Variants in THNSL2 observed in about 807,000 individuals in gnomAD.
THNSL2 encodes the protein threonine synthase-like 2.
A neutral mutation model predicts 40.0 loss-of-function variants in THNSL2; 34 were observed. The ratio of observed to expected loss-of-function variants is 0.85; its 90% CI spans 0.65 to 1.13. The LOEUF (loss-of-function observed/expected upper bound fraction) is 1.13. THNSL2 is among the 50% of genes most tolerant of loss of function. The pLI, the probability that THNSL2 is intolerant of heterozygous loss-of-function variation, is 0.00. For synonymous variants in THNSL2, 241 were observed against 247.5 expected (o/e 0.97, Z 0.25); for missense variants, 537 against 608.8 (o/e 0.88, Z 1.24).
intron 5 of THNSL2, among the ~76,000 whole-genome samples, chr2:88,179,443 C>T (rs532520202): frequency 6.6e-6 from 1 of 152,322 alleles, no homozygotes; most frequent in African/African-American, 2.4e-5. Flanking sequence ...ACCCTGACCC[C>T]GTGTGAGGTG....
In THNSL2 at chr2:88,185,321, C is replaced by T; in HGVS notation, c.1078-7C>T. 1 of 1,611,542 alleles carries T rather than the reference C, an allele frequency of 6.2e-7. No homozygotes were observed. Among genetic ancestry groups the T allele is most frequent in the Non-Finnish European group, 8.5e-7 (1 of 1,178,818 alleles). On this transcript the variant is annotated splice_polypyrimidine_tract_variant and splice_region_variant and intron_variant, in intron 7 of 8. Transcript: ENST00000674334. ...ACACCTCATCTTTCTGACCTGGGACCCTTCAGCTTTCAGAGGCAGTGACAT... is the reference window on the plus strand; with the variant it reads ...ACACCTCATCTTTCTGACCTGGGACTCTTCAGCTTTCAGAGGCAGTGACAT...
intron 5 of THNSL2, among the ~76,000 whole-genome samples, chr2:88,181,863 A>T (rs906008736): frequency 2.0e-5 from 3 of 152,148 alleles, no homozygotes; most frequent in Non-Finnish European, 4.4e-5. Flanking sequence ...CATTTTCTAT[A>T]AAAGGAATCA....
Position 88,179,001 on chromosome 2 carries a change from G to A in THNSL2, c.790G>A (p.Gly264Ser), listed in dbSNP as rs141464891. 4.5e-4 allele frequency: 726 copies of A among 1,614,186 alleles called. 2 individuals carry two copies. The highest frequency in any genetic ancestry group is 3.4e-3 in the South Asian group (313 of 91,084). Residue 264 changes from glycine to serine, a missense_variant, in exon 5 of 9, where the codon GGT (glycine) becomes AGT (serine). Transcript: ENST00000674334. ...GGTGGTTGTGCCAACAGGGGCTGCC[G>A]GTAACCTTGCAGGTAAGGAATCCCC... is the stretch of plus-strand genomic sequence containing the variant. The part of the protein sequence containing the change: ...VEVVVPTGAA[G>S]NLAAGYIAQK...
chr2:88,176,898 G>A (rs563000617), intron 4 of THNSL2: 3 of 152,300 alleles, frequency 2.0e-5, no homozygotes, highest in Non-Finnish European at 1.5e-5. Flanking sequence ...GAGGGTCCTT[G>A]TTGTACCCTA....
Position 88,170,404 on chromosome 2 carries a change from G to T in THNSL2, c.-65G>T, listed in dbSNP as rs1573157750. The T allele has an allele frequency of 6.6e-6, 1 of 150,568 alleles. No individual in the cohort carries two copies. Among genetic ancestry groups the T allele is most frequent in the South Asian group, 1.8e-4 (1 of 5,494 alleles). 9.3% of individuals were successfully genotyped at this position (150,568 alleles called of 1,614,324 possible). On this transcript the variant is annotated 5_prime_UTR_variant, in exon 1 of 9. Coordinates refer to ENST00000674334, the MANE Select transcript of THNSL2 (RefSeq NM_018271.5). Reference sequence around the variant, plus strand: ...TTCGCAGCCCGGGCAGCCCTGCTGCGCACCGGGCCTCGCGCCCCGCGCCCC... The same window carrying T: ...TTCGCAGCCCGGGCAGCCCTGCTGCTCACCGGGCCTCGCGCCCCGCGCCCC...
At chr2:88,182,901 C>G (rs1181291810) in intron 6 of THNSL2, 47 bp from the exon 7 acceptor site, 1 of 1,611,942 alleles carries the variant, frequency 6.2e-7, no homozygotes, top group Admixed American at 1.7e-5. Flanking sequence ...GGGTGGGGCT[C>G]GATGGGGCTG....
rs144797010 is a variant in THNSL2 at position 88,176,888 on chromosome 2, G to T, written c.571+1487G>T. The stretch of plus-strand genomic sequence containing the variant: ...TTTAGTGCACAAGATTCAGGCTCCT[G>T]AGGGTCCTTGTTGTACCCTAAGCAC... On this transcript the variant is annotated intron_variant, in intron 4 of 8. Transcript: ENST00000674334. 3.3e-4 allele frequency: 50 copies of T among 152,298 alleles called. No homozygotes were observed. In the East Asian group the frequency reaches 8.1e-3, roughly 25 times the overall value. The allele number at this position is 152,298 out of a possible 1,614,324, so 9.4% of individuals were successfully genotyped here. A position where few individuals can be genotyped will look rare whatever the true frequency, so the allele number is the denominator to read the frequency against.
intron 7 of THNSL2, chr2:88,183,353 G>T (rs922474783): frequency 9.4e-5 from 30 of 317,732 alleles, no homozygotes; most frequent in South Asian, 8.3e-5. Context: ...ATAAAATGGG[G>T]ATAATAAGAA....
intron 5 of THNSL2, 34 bp from the exon 6 acceptor site, chr2:88,182,665 A>G (rs1677810917): frequency 1.4e-6 from 2 of 1,476,668 alleles, no homozygotes. Context: ...TTTATTTCTA[A>G]AAAGCCATTG....
intron 4 of THNSL2, among the ~76,000 whole-genome samples, chr2:88,177,656 C>T (rs538208204): frequency 6.6e-6 from 1 of 152,326 alleles, no homozygotes; most frequent in South Asian, 2.1e-4. Flanking sequence ...CTGCTCTGCC[C>T]TCCTCAGTCC....
rs369508046 is a variant in THNSL2, at chr2:88,178,833, G to C, written c.622G>C (p.Asp208His). Reference protein sequence around the residue: ...LDEPIKTVFADVAFVKKHNLM... With the variant: ...LDEPIKTVFAHVAFVKKHNLM... ...TGAGCCGATCAAGACTGTGTTTGCC[G>C]ATGTGGCTTTTGTCAAGAAGCACAA... The change falls in exon 5 of 9, where the codon GAT becomes CAT. Residue 208 changes from aspartate to histidine, a missense_variant. Physicochemically the swap from Asp to His is moderately conservative, Grantham distance 81. Coordinates refer to ENST00000674334, the MANE Select transcript of THNSL2 (RefSeq NM_018271.5). 1.2e-6 allele frequency: 2 copies of C among 1,614,162 alleles called. No homozygotes were observed. Among genetic ancestry groups the C allele is most frequent in the Non-Finnish European group, 1.7e-6 (2 of 1,180,042 alleles).
At position 88,174,651 on chromosome 2, in the gene THNSL2, G is replaced by A. The variant is rs376146285; in HGVS notation, c.236G>A (p.Arg79Gln). ...PKDELNDLIDRAFSRFRHREV... is the reference protein window; with the variant it reads ...PKDELNDLIDQAFSRFRHREV... ...ACTACCCTCACAGATCTGATCGACC[G>A]AGCCTTCAGCAGATTCCGTCACAGA... Residue 79 changes from arginine (R) to glutamine (Q), a missense_variant, in exon 3 of 9, where the codon CGA becomes CAA. Transcript: ENST00000674334. 6.2e-6 allele frequency: 10 copies of A among 1,613,940 alleles called. No homozygotes were observed. The highest frequency in any genetic ancestry group is 1.6e-4 in the Middle Eastern group (1 of 6,080).
rs1678287159 is a variant in THNSL2 at position 88,186,321 on chromosome 2, G to A, written c.*198G>A. 2 of 612,884 alleles carry A rather than the reference G, an allele frequency of 3.3e-6. No individual in the cohort carries two copies. Among genetic ancestry groups the A allele is most frequent in the Admixed American group, 5.8e-5 (2 of 34,294 alleles). 38.0% of individuals were successfully genotyped at this position (612,884 alleles called of 1,614,324 possible). On this transcript the variant is annotated 3_prime_UTR_variant, in exon 9 of 9. Coordinates refer to ENST00000674334, the MANE Select transcript of THNSL2 (RefSeq NM_018271.5). ...CCAGGGAGGCTGAGTGAGGGGCTGT[G>A]AACAGTTGCCGGAAGCACCCCCTCC...
rs141094872 is a variant in THNSL2 at position 88,182,817 on chromosome 2, A to G, written c.921A>G (p.Lys307=). 1.1e-5 allele frequency: 17 copies of G among 1,614,022 alleles called. No individual in the cohort carries two copies. The African/African-American group carries it at 1.7e-4, about 16-fold the overall frequency. The change falls in exon 6 of 9, where the codon AAA becomes AAG. Residue 307 remains lysine, a synonymous_variant. Transcript: ENST00000674334. ...ACTTCTCTCTCTCTGAGGCTGTTAA[A>G]TCAACCTTGGCATCAGCTATGGACA... ...QGDFSLSEAV[K]STLASAMDIQ...
intron 4 of THNSL2, among the ~76,000 whole-genome samples, chr2:88,177,322 G>T (rs1677041590): frequency 1.3e-5 from 2 of 152,148 alleles, no homozygotes; most frequent in South Asian, 4.1e-4. Flanking sequence ...CAGCAAATAT[G>T]TATTTTTCTG....
Position 88,182,742 on chromosome 2 carries a change from C to G in THNSL2, c.846C>G (p.Val282=), listed in dbSNP as rs148640386. ...AQKIGLPIRL[V]VAVNRNDIIH... ...AGATAGGCCTGCCCATCCGTCTGGT[C>G]GTGGCAGTGAACCGCAATGACATCA... The change falls in exon 6 of 9, where the codon GTC becomes GTG. Residue 282 remains valine, a synonymous_variant. Coordinates refer to ENST00000674334, the MANE Select transcript of THNSL2 (RefSeq NM_018271.5). 137 of 1,613,946 alleles carry G rather than the reference C, an allele frequency of 8.5e-5. No individual in the cohort carries two copies. The highest frequency in any genetic ancestry group is 3.0e-4 in the Admixed American group (18 of 59,994).
At chr2:88,171,500 CCTCA>C (rs1286554641) in intron 1 of THNSL2, 3 of 350,800 alleles carry the variant, frequency 8.6e-6, no homozygotes, top group Non-Finnish European at 1.7e-5. Flanking sequence ...TCGCTCCTGC[CCTCA>C]CTCCTGCGAT....
chr2:88,179,048 G>GA (rs781371433), intron 5 of THNSL2, 35 bp downstream of exon 5: 5 of 1,605,632 alleles, frequency 3.1e-6, no homozygotes, highest in Non-Finnish European at 4.3e-6. Context: ...GGGCTTTCCA[G>GA]AAAAATGCCT....
chr2:88,179,027 GGGGCACAAAT>G lies in THNSL2; in HGVS notation c.802+19_802+28del. ...GTAACCTTGCAGGTAAGGAATCCCC[GGGGCACAAAT>G]GGGCTTTCCAGAAAAATGCCTGTGG... is the stretch of plus-strand genomic sequence containing the variant. On this transcript the variant is annotated intron_variant, in intron 5 of 8. Transcript: ENST00000674334. 6.2e-7 allele frequency: 1 copy of G among 1,613,564 alleles called. No individual in the cohort carries two copies. The highest frequency in any genetic ancestry group is 1.1e-5 in the South Asian group (1 of 91,064).
Sources: gnomAD v4.1 joint callset for allele counts (sites outside exome capture counted in the v4.1 genomes callset) on GRCh38, gnomAD v4.1.1 for gene constraint, MANE v1.5 for transcripts, NCBI Gene and HGNC (gene_info 2026-07-23, HGNC 2026-07-21) for gene names.